Variants in SPEN observed in about 807,000 individuals in gnomAD.
The protein encoded by SPEN is spen family transcriptional repressor.
In SPEN, 18 loss-of-function variants were observed where a neutral mutation model predicts 269.9. The ratio of observed to expected loss-of-function variants is 0.07; its 90% confidence interval spans 0.05 to 0.10. The LOEUF (loss-of-function observed/expected upper bound fraction) is 0.10. Ranked by LOEUF, SPEN falls within the 10% of genes least tolerant of loss-of-function variation. The pLI is 1.00. For synonymous variants in SPEN, 1,726 were observed against 1,765.7 expected, an observed-to-expected ratio of 0.98 and a Z score of 0.56; for missense variants, 3,822 against 4,631.2, an observed-to-expected ratio of 0.83 and a Z score of 5.07.
At chr1:15,920,177 C>G (rs2148733578) in intron 8 of SPEN, among the ~76,000 whole-genome samples, 1 of 152,238 alleles carries the variant, frequency 6.6e-6, no homozygotes, top group East Asian at 1.9e-4. Flanking sequence ...TCAAGCGATT[C>G]TCTAGCCTCA....
At chr1:15,923,678 T>C (rs1439701637) in intron 10 of SPEN, among the ~76,000 whole-genome samples, 2 of 152,130 alleles carry the variant, frequency 1.3e-5, no homozygotes, top group Non-Finnish European at 2.9e-5. Flanking sequence ...TTGTGCTTTT[T>C]TTTTTTTTTG....
chr1:15,884,584 GA>G (rs2070719051), intron 3 of SPEN, among the ~76,000 whole-genome samples: 1 of 152,094 alleles, frequency 6.6e-6, no homozygotes, highest in African/African-American at 2.4e-5. Context: ...TGTCAATTGG[GA>G]GAAGGAATGC....
intron 5 of SPEN, among the ~76,000 whole-genome samples, chr1:15,915,325 G>A (rs534964025): frequency 6.6e-6 from 1 of 151,930 alleles, no homozygotes; most frequent in Admixed American, 6.6e-5. Flanking sequence ...GCAACAGGCT[G>A]GGGGGGTGGA....
chr1:15,874,165 G>C (rs2070609056), intron 2 of SPEN: 1 of 1,366,268 alleles, frequency 7.3e-7, no homozygotes, highest in Admixed American at 1.9e-5. Flanking sequence ...AAGAAGTCTG[G>C]GGGTTTGAGA....
Position 15,931,505 on chromosome 1 carries a change from T to C in SPEN, c.5265T>C (p.Ser1755=). ...AESNVDPEPD[S]TQPLSKPAQK... ...GCAACGTAGATCCAGAGCCTGACAG[T>C]ACCCAGCCACTTTCAAAACCAGCTC... The change falls in exon 11 of 15, where the codon AGT becomes AGC. Residue 1755 remains serine (S), a synonymous_variant. Transcript: ENST00000375759. This position sits in a 1 kb window ranked among gnomAD's most constrained non-coding sequence, Gnocchi z 4.8. 6.2e-7 allele frequency: 1 copy of C among 1,614,112 alleles called. No homozygotes were observed. The highest frequency in any genetic ancestry group is 8.5e-7 in the Non-Finnish European group (1 of 1,180,018).
rs1223443228 is a variant in SPEN at position 15,916,283 on chromosome 1, T to A, written c.1395+4T>A. ...CCAGCGCTTTGGAGAAATTGTGGTA[T>A]GTTGCTTTTACTATGTAAACAATTT... On this transcript the variant is annotated splice_donor_region_variant and intron_variant, in intron 6 of 14. Transcript: ENST00000375759. The A allele has an allele frequency of 1.9e-6, 3 of 1,610,506 alleles. No individual in the cohort carries two copies. The East Asian group carries it at 6.7e-5, about 36-fold the overall frequency.
At position 15,876,159 on chromosome 1, in the gene SPEN, T is replaced by G. The variant is rs201602541; in HGVS notation, c.405-43T>G. The G allele has an allele frequency of 1.8e-4, 276 of 1,503,294 alleles. 7 individuals carry two copies. The Admixed American group carries it at 4.7e-3, about 26-fold the overall frequency. 93.1% of individuals were successfully genotyped at this position (1,503,294 alleles called of 1,614,324 possible). A position where few individuals can be genotyped will look rare whatever the true frequency, so the allele number is the denominator to read the frequency against. On this transcript the variant is annotated intron_variant, in intron 2 of 14. Coordinates refer to ENST00000375759, the MANE Select transcript of SPEN (RefSeq NM_015001.3). The stretch of plus-strand genomic sequence containing the variant: ...TTGCATGACTTGCTTTTAGTTTTGC[T>G]TGCTCCTTTCTGATTAAATATTTTT...
At chr1:15,938,499 A>T in intron 13 of SPEN, 1 of 468,262 alleles carries the variant, frequency 2.1e-6, no homozygotes, top group Non-Finnish European at 3.7e-6. Context: ...CTAGACCCAG[A>T]AACAAGGCTT....
chr1:15,881,459 T>C (rs1007055961), intron 3 of SPEN, among the ~76,000 whole-genome samples: 6 of 152,210 alleles, frequency 3.9e-5, no homozygotes, highest in Non-Finnish European at 5.9e-5. Flanking sequence ...CAGATTATCC[T>C]GATGTGTAAA....
intron 5 of SPEN, among the ~76,000 whole-genome samples, chr1:15,913,953 T>G (rs1345781802): frequency 2.6e-5 from 4 of 152,200 alleles, no homozygotes; most frequent in Admixed American, 6.5e-5. Flanking sequence ...AATCATGCTT[T>G]CTTCTTGTGT....
At chr1:15,850,640 T>A (rs2070326744) in intron 1 of SPEN, among the ~76,000 whole-genome samples, 1 of 152,216 alleles carries the variant, frequency 6.6e-6, no homozygotes, top group South Asian at 2.1e-4. Context: ...TGGAGCTAAG[T>A]GGACCTTGTT....
chr1:15,905,483 A>G (rs2070947023), intron 3 of SPEN, among the ~76,000 whole-genome samples: 1 of 151,962 alleles, frequency 6.6e-6, no homozygotes, highest in Non-Finnish European at 1.5e-5. Flanking sequence ...TGGCCTCCCA[A>G]AGTGCTGGGA....
chr1:15,848,877 A>G lies in SPEN; in HGVS notation c.83+727A>G, dbSNP rs1453313121. On this transcript the variant is annotated intron_variant, in intron 1 of 14. Coordinates refer to ENST00000375759, the MANE Select transcript of SPEN (RefSeq NM_015001.3). The surrounding 1 kb of genome is among the most constrained non-coding windows in gnomAD (Gnocchi z 5.1). ...GGAGGTTGCTAGCCCCGGCGCCCGTAGCCTCGGGTCGCACTCCCAGGCCGC... is the reference window on the plus strand; with the variant it reads ...GGAGGTTGCTAGCCCCGGCGCCCGTGGCCTCGGGTCGCACTCCCAGGCCGC... Among the ~76,000 whole-genome samples, 3 of 152,104 alleles carry G rather than the reference A, an allele frequency of 2.0e-5. No individual in the cohort carries two copies. Among genetic ancestry groups the G allele is most frequent in the Admixed American group, 6.5e-5 (1 of 15,268 alleles).
In SPEN at chr1:15,935,948, A is replaced by G; in HGVS notation, c.9708A>G (p.Thr3236=). 1 of 1,607,662 alleles carries G rather than the reference A, an allele frequency of 6.2e-7. No homozygotes were observed. Among genetic ancestry groups the G allele is most frequent in the African/African-American group, 1.3e-5 (1 of 74,700 alleles). ...PQQPGKEAAK[T]PDAKAAPTPT... is the part of the protein sequence containing the mutation. ...AGCCAGGGAAGGAAGCTGCCAAGAC[A>G]CCAGATGCCAAAGCTGCCCCCACCC... The change falls in exon 11 of 15, where the codon ACA becomes ACG. Residue 3236 remains threonine (T), a synonymous_variant. Transcript: ENST00000375759. The surrounding 1 kb of genome is among the most constrained non-coding windows in gnomAD (Gnocchi z 7.7).
chr1:15,879,973 C>T (rs2070671575), intron 3 of SPEN, among the ~76,000 whole-genome samples: 1 of 152,120 alleles, frequency 6.6e-6, no homozygotes, highest in South Asian at 2.1e-4. Context: ...CCTGGCCCAG[C>T]AGACAAATTT....
intron 1 of SPEN, among the ~76,000 whole-genome samples, chr1:15,856,775 C>T (rs181750013): frequency 9.8e-4 from 149 of 152,004 alleles, no homozygotes; most frequent in African/African-American, 2.9e-3. Flanking sequence ...ACCATGTTGG[C>T]TAGGCTGGTC....
chr1:15,899,311 A>G (rs1434866148), intron 3 of SPEN, among the ~76,000 whole-genome samples: 3 of 152,044 alleles, frequency 2.0e-5, no homozygotes, highest in African/African-American at 7.2e-5. Flanking sequence ...AGTAGCTGGG[A>G]CTACAGGCAC....
At chr1:15,888,321 T>C (rs2070755631) in intron 3 of SPEN, among the ~76,000 whole-genome samples, 1 of 150,510 alleles carries the variant, frequency 6.6e-6, no homozygotes, top group Admixed American at 6.6e-5. Flanking sequence ...TTTTTTTTTT[T>C]TAATTTTATT....
rs563225020 is a variant in SPEN at position 15,866,446 on chromosome 1, C to T, written c.84-6370C>T. Among the ~76,000 whole-genome samples the T allele has an allele frequency of 6.6e-3, 1,004 of 152,168 alleles. 10 individuals carry two copies. Among genetic ancestry groups the T allele is most frequent in the African/African-American group, 0.023 (942 of 41,514 alleles). On this transcript the variant is annotated intron_variant, in intron 1 of 14. Transcript: ENST00000375759. ...TTGGCTCACTGCAAGCTCTGCCTCCCGGGTTCACGCCATTCTCCTGCCTCA... is the reference window on the plus strand; with the variant it reads ...TTGGCTCACTGCAAGCTCTGCCTCCTGGGTTCACGCCATTCTCCTGCCTCA...
Sources: gnomAD v4.1 joint callset for allele counts (sites outside exome capture counted in the v4.1 genomes callset) on GRCh38, gnomAD v4.1.1 for gene constraint, Gnocchi (gnomAD v3.1) non-coding constraint, MANE v1.5 for transcripts, NCBI Gene and HGNC (gene_info 2026-07-23, HGNC 2026-07-21) for gene names.